The following RAB31 variants were observed in gnomAD, a reference collection of about 807,000 sequenced individuals.
RAB31 encodes RAB31, member RAS oncogene family.
RAB31 carries 21 observed loss-of-function variants against 25.6 expected under a neutral mutation model. The observed-to-expected ratio is 0.82, with a 90% CI of 0.58 to 1.18. The LOEUF (loss-of-function observed/expected upper bound fraction) is 1.18, where lower values mean the gene tolerates loss of function less well. RAB31 is among the 50% of genes most tolerant of loss of function. The probability of loss-of-function intolerance (pLI) is 0.00; values close to 1 mark genes in which losing one functional copy is unlikely to be tolerated. For missense variants in RAB31, 196 were observed against 250.1 expected (o/e 0.78, Z 1.46); for synonymous variants, 87 against 84.0 (o/e 1.04, Z -0.20).
At chr18:9,835,344 T>A in intron 5 of RAB31, among the ~76,000 whole-genome samples, 1 of 151,596 alleles carries the variant, frequency 6.6e-6, no homozygotes, top group Admixed American at 6.6e-5. Flanking sequence ...TTTCCAGTGG[T>A]TCTTTCTCTG....
chr18:9,847,576 C>A (rs1415809991), intron 6 of RAB31, among the ~76,000 whole-genome samples: 3 of 152,150 alleles, frequency 2.0e-5, no homozygotes, highest in Admixed American at 2.0e-4. Context: ...GTACTAATAT[C>A]TTTTTTCTTT....
In RAB31 at chr18:9,759,367, C is replaced by T. The variant is rs543178149; in HGVS notation, c.40-15911C>T. 1.6e-3 allele frequency among the ~76,000 whole-genome samples: 247 copies of T among 151,934 alleles called. 1 individual carries two copies. Among genetic ancestry groups the T allele is most frequent in the African/African-American group, 5.8e-3 (241 of 41,442 alleles). ...TTGATTTTTCATAAAGACAGTGTCT[C>T]GCTATGTTGTCCAGGCTGTTCTCAA... On this transcript the variant is annotated intron_variant, in intron 1 of 6. Transcript: ENST00000578921.
Position 9,708,542 on chromosome 18 carries a change from GCTCTCCGCA to G in RAB31, c.39+100_39+108del. On this transcript the variant is annotated intron_variant, in intron 1 of 6. Transcript: ENST00000578921. This position sits in a 1 kb window ranked among gnomAD's most constrained non-coding sequence, Gnocchi z 6.4. ...CGCGCTCAGTCCCCGTGATCCCCTC[GCTCTCCGCA>G]CCCCTCTCGTAGCCCCCGTCCCCCT... is the stretch of plus-strand genomic sequence containing the variant. 9.1e-7 allele frequency: 1 copy of G among 1,093,502 alleles called. No individual in the cohort carries two copies. Among genetic ancestry groups the G allele is most frequent in the South Asian group, 1.8e-5 (1 of 54,396 alleles). The allele number at this position is 1,093,502 out of a possible 1,614,324, so 67.7% of individuals were successfully genotyped here.
intron 1 of RAB31, among the ~76,000 whole-genome samples, chr18:9,736,616 T>C (rs1306709669): frequency 6.6e-6 from 1 of 152,160 alleles, no homozygotes; most frequent in East Asian, 1.9e-4. Flanking sequence ...CTCTTGGGAG[T>C]ATTTTGTAAT....
At chr18:9,773,074 G>T (rs2068353832) in intron 1 of RAB31, among the ~76,000 whole-genome samples, 1 of 152,150 alleles carries the variant, frequency 6.6e-6, no homozygotes, top group Non-Finnish European at 1.5e-5. Context: ...ATAAACAGCA[G>T]CTTTGGTGCT....
chr18:9,741,815 C>T (rs952029869), intron 1 of RAB31, among the ~76,000 whole-genome samples: 47 of 152,212 alleles, frequency 3.1e-4, no homozygotes, highest in Admixed American at 1.3e-4. Flanking sequence ...GAAATGCTCG[C>T]CTCACTTCCC....
chr18:9,814,171 G>A (rs2068589512), intron 4 of RAB31, 80 bp downstream of exon 4: 3 of 1,069,110 alleles, frequency 2.8e-6, no homozygotes, highest in Admixed American at 2.0e-5. Flanking sequence ...AGACGTCACT[G>A]CTTGCATCTT....
intron 3 of RAB31, among the ~76,000 whole-genome samples, chr18:9,798,611 CTTATTTTATT>C (rs10531582): frequency 6.6e-6 from 1 of 150,946 alleles, no homozygotes; most frequent in African/African-American, 2.4e-5. Flanking sequence ...TTTTTTCTTT[CTTATTTTATT>C]TTATTTTATC....
chr18:9,812,735 T>C (rs2068580261), intron 3 of RAB31, among the ~76,000 whole-genome samples: 1 of 132,218 alleles, frequency 7.6e-6, no homozygotes, highest in South Asian at 2.5e-4. Flanking sequence ...TCTCACTCTG[T>C]CTTCCAGGCA....
At chr18:9,772,768 C>T (rs780017705) in intron 1 of RAB31, among the ~76,000 whole-genome samples, 3 of 152,086 alleles carry the variant, frequency 2.0e-5, no homozygotes, top group Non-Finnish European at 4.4e-5. Flanking sequence ...CTGTAAGGGG[C>T]AATTTCCTAA....
At chr18:9,795,845 A>T (rs969080127) in intron 3 of RAB31, among the ~76,000 whole-genome samples, 18 of 152,226 alleles carry the variant, frequency 1.2e-4, no homozygotes, top group Non-Finnish European at 2.4e-4. Flanking sequence ...AAGAACTAAA[A>T]GTAGATCTAC....
chr18:9,862,492 G>T lies in RAB31; in HGVS notation c.*3167G>T, dbSNP rs1392412941. 6.6e-6 allele frequency: 1 copy of T among 152,136 alleles called. No individual in the cohort carries two copies. The highest frequency in any genetic ancestry group is 1.5e-5 in the Non-Finnish European group (1 of 68,022). The allele number at this position is 152,136 out of a possible 1,614,324, so 9.4% of individuals were successfully genotyped here. ...GCATTTCCATCAACAATGCCTAATT[G>T]TATCTGTTATTTTTGGTTTAACACA... On this transcript the variant is annotated 3_prime_UTR_variant, in exon 7 of 7. Transcript: ENST00000578921.
At chr18:9,856,186 A>G (rs2068814936) in intron 6 of RAB31, 1 of 152,232 alleles carries the variant, frequency 6.6e-6, no homozygotes, top group South Asian at 2.1e-4. Context: ...CATGTTCAAC[A>G]GCTGATTCAA....
At chr18:9,840,129 C>T (rs889616224) in intron 5 of RAB31, among the ~76,000 whole-genome samples, 16 of 152,150 alleles carry the variant, frequency 1.1e-4, no homozygotes, top group African/African-American at 1.9e-4. Context: ...TGATCAGCTC[C>T]GGGAATGTCT....
chr18:9,709,629 T>A (rs2068006168), intron 1 of RAB31, among the ~76,000 whole-genome samples: 2 of 152,042 alleles, frequency 1.3e-5, no homozygotes, highest in South Asian at 4.1e-4. Flanking sequence ...TCCAAAACCA[T>A]CCCTTACGCT....
chr18:9,742,947 G>A (rs957524659), intron 1 of RAB31, among the ~76,000 whole-genome samples: 1 of 151,984 alleles, frequency 6.6e-6, no homozygotes, highest in African/African-American at 2.4e-5. Context: ...TTTCAAAGTC[G>A]CAAATGAAAT....
chr18:9,782,683 G>A (rs2068411315), intron 2 of RAB31, among the ~76,000 whole-genome samples: 1 of 152,084 alleles, frequency 6.6e-6, no homozygotes, highest in Non-Finnish European at 1.5e-5. Context: ...CAGAAGAAAA[G>A]ATGCCTGAGG....
At chr18:9,716,930 CT>C (rs764535305) in intron 1 of RAB31, among the ~76,000 whole-genome samples, 10 of 145,148 alleles carry the variant, frequency 6.9e-5, no homozygotes, top group Admixed American at 6.9e-5. Flanking sequence ...TTCTTTCTTT[CT>C]TTTTTTTTTG....
intron 1 of RAB31, among the ~76,000 whole-genome samples, chr18:9,723,342 C>G (rs917258622): frequency 1.3e-5 from 2 of 152,144 alleles, no homozygotes; most frequent in African/African-American, 4.8e-5. Flanking sequence ...GCCACCGTGC[C>G]TGGCCTGTAA....
Sources: allele counts gnomAD v4.1 joint callset (sites outside exome capture counted in the v4.1 genomes callset), GRCh38; gene constraint gnomAD v4.1.1; non-coding constraint Gnocchi (gnomAD v3.1); transcripts MANE v1.5; gene names NCBI Gene and HGNC (gene_info 2026-07-23, HGNC 2026-07-21).